The following SCLT1 variants were observed in gnomAD, a reference collection of about 807,000 sequenced individuals.
SCLT1 encodes sodium channel-associated protein 1.
SCLT1 carries 78 observed loss-of-function variants against 112.8 expected under a neutral mutation model. That is an observed-to-expected ratio of 0.69 (90% CI 0.58 to 0.83). The LOEUF is 0.83. Among genes scored for constraint, SCLT1 ranks in the 40% least tolerant of loss-of-function variants. The pLI is 0.00. For missense variants in SCLT1, 747 were observed against 770.4 expected (o/e 0.97, Z 0.36); for synonymous variants, 257 against 254.7 (o/e 1.01, Z -0.09).
intron 18 of SCLT1, among the ~76,000 whole-genome samples, chr4:128,898,694 A>G (rs1025797880): frequency 1.3e-5 from 2 of 152,268 alleles, no homozygotes; most frequent in Admixed American, 6.5e-5. Context: ...TGAAGGAAAT[A>G]GAGACACAAA....
At chr4:129,009,408 G>A (rs1394008299) in intron 5 of SCLT1, among the ~76,000 whole-genome samples, 3 of 151,998 alleles carry the variant, frequency 2.0e-5, no homozygotes, top group Non-Finnish European at 4.4e-5. Context: ...CAGCTACTTG[G>A]GAGGCTGAGG....
Position 129,093,140 on chromosome 4 carries a change from T to G in SCLT1, c.-37A>C. The G allele has an allele frequency of 6.2e-7, 1 of 1,603,322 alleles. No individual in the cohort carries two copies. Among genetic ancestry groups the G allele is most frequent in the Non-Finnish European group, 8.5e-7 (1 of 1,170,200 alleles). ...TTTAGTTTAGAGCTTTCACCACCTT[T>G]ACCTTCCTCTGAAAGACAGAGAGCT... On this transcript the variant is annotated 5_prime_UTR_variant, in exon 1 of 21. Transcript: ENST00000281142.
intron 10 of SCLT1, among the ~76,000 whole-genome samples, chr4:128,967,566 G>C (rs1740314991): frequency 6.6e-6 from 1 of 152,138 alleles, no homozygotes. Flanking sequence ...GTGTGAGATG[G>C]TATCTCATTG....
chr4:129,028,385 T>A (rs1303306852), intron 5 of SCLT1, among the ~76,000 whole-genome samples: 660 of 128,496 alleles, frequency 5.1e-3, no homozygotes, highest in South Asian at 7.0e-3. Flanking sequence ...TATCTACAAC[T>A]ATCTGATCTT....
chr4:128,875,571 A>G (rs1732495434), intron 4 of SCLT1, among the ~76,000 whole-genome samples: 1 of 152,206 alleles, frequency 6.6e-6, no homozygotes. Context: ...GACATTGGCC[A>G]AGTCACTTAA....
intron 10 of SCLT1, among the ~76,000 whole-genome samples, chr4:128,968,529 GTC>G (rs1003089429): frequency 1.3e-5 from 2 of 152,084 alleles, no homozygotes; most frequent in African/African-American, 4.8e-5. Flanking sequence ...CTGACTTGAA[GTC>G]TCTGTCTGCT....
chr4:128,894,781 G>A (rs902582967), intron 18 of SCLT1, among the ~76,000 whole-genome samples: 25 of 151,944 alleles, frequency 1.6e-4, no homozygotes, highest in Admixed American at 1.6e-3. Context: ...CGCTTCAAGT[G>A]ATTCTCCTGC....
At chr4:128,996,151 C>A (rs930385321) in intron 8 of SCLT1, among the ~76,000 whole-genome samples, 2 of 151,986 alleles carry the variant, frequency 1.3e-5, no homozygotes, top group Non-Finnish European at 1.5e-5. Context: ...GGGTGCCTAG[C>A]AAGAGAGGGT....
chr4:128,962,878 T>C (rs1172132251), intron 11 of SCLT1, among the ~76,000 whole-genome samples: 1 of 152,228 alleles, frequency 6.6e-6, no homozygotes, highest in East Asian at 1.9e-4. Context: ...ATCTAAATTC[T>C]GTTTTTCAAT....
chr4:128,904,367 T>C (rs890645441), intron 18 of SCLT1, among the ~76,000 whole-genome samples: 8 of 152,170 alleles, frequency 5.3e-5, no homozygotes, highest in Non-Finnish European at 1.2e-4. Flanking sequence ...AATTTAGAAA[T>C]ATACTTGCAA....
intron 2 of SCLT1, among the ~76,000 whole-genome samples, chr4:129,062,914 G>A (rs976132098): frequency 1.3e-5 from 2 of 152,150 alleles, no homozygotes; most frequent in African/African-American, 4.8e-5. Flanking sequence ...TATGTCTGAC[G>A]TCCAGACGTC....
At chr4:128,875,845 A>AAAAATAATTTTTC (rs1226269515) in intron 4 of SCLT1, among the ~76,000 whole-genome samples, 1 of 152,206 alleles carries the variant, frequency 6.6e-6, no homozygotes, top group Non-Finnish European at 1.5e-5. Flanking sequence ...AATAATTTTT[A>AAAAATAATTTTTC]AAAATAATTT....
chr4:129,055,631 C>A (rs11944782), intron 2 of SCLT1, among the ~76,000 whole-genome samples: 2,190 of 152,186 alleles, frequency 0.014, 48 homozygotes, highest in African/African-American at 0.044. Flanking sequence ...CCCAACCAAG[C>A]TCGTTCATCC....
chr4:128,989,517 A>T (rs1165540454), intron 9 of SCLT1, among the ~76,000 whole-genome samples: 2 of 151,918 alleles, frequency 1.3e-5, no homozygotes, highest in African/African-American at 2.4e-5. Context: ...CCTCCATCAA[A>T]AAGTAGAAAA....
At chr4:129,048,994 G>C (rs1748478168) in intron 2 of SCLT1, among the ~76,000 whole-genome samples, 2 of 151,816 alleles carry the variant, frequency 1.3e-5, no homozygotes, top group South Asian at 4.2e-4. Flanking sequence ...GTGCTGGAGA[G>C]GATGTGGAGA....
intron 12 of SCLT1, among the ~76,000 whole-genome samples, chr4:128,958,434 G>C (rs1739395499): frequency 6.6e-6 from 1 of 152,174 alleles, no homozygotes; most frequent in African/African-American, 2.4e-5. Context: ...ATGAGTCAAA[G>C]AGCAGCTTAA....
intron 2 of SCLT1, among the ~76,000 whole-genome samples, chr4:129,080,328 T>G (rs1218883313): frequency 6.6e-6 from 1 of 152,242 alleles, no homozygotes; most frequent in African/African-American, 2.4e-5. Context: ...AGTTCCAGTT[T>G]CAGACCATCT....
At chr4:128,965,917 T>C (rs908941329) in intron 10 of SCLT1, among the ~76,000 whole-genome samples, 5 of 150,860 alleles carry the variant, frequency 3.3e-5, no homozygotes, top group African/African-American at 1.2e-4. Context: ...CTGCAACCTC[T>C]GCTGCCCAGG....
chr4:129,019,448 CT>C (rs1745259431), intron 5 of SCLT1, among the ~76,000 whole-genome samples: 1 of 152,142 alleles, frequency 6.6e-6, no homozygotes, highest in Admixed American at 6.5e-5. Flanking sequence ...CTGCATCTCA[CT>C]TTTGCAGGTG....
Sources: gnomAD v4.1 joint callset for allele counts (sites outside exome capture counted in the v4.1 genomes callset) on GRCh38, gnomAD v4.1.1 for gene constraint, MANE v1.5 for transcripts, NCBI Gene and HGNC (gene_info 2026-07-23, HGNC 2026-07-21) for gene names.